Variants in IL1RAP observed in about 807,000 individuals in gnomAD.
IL1RAP encodes interleukin 1 receptor accessory protein, also known as interleukin-1 receptor accessory protein.
IL1RAP carries 35 observed loss-of-function variants against 60.7 expected under a neutral mutation model. The observed-to-expected ratio is 0.58, with a 90% CI of 0.44 to 0.76. IL1RAP has a LOEUF of 0.76. Among genes scored for constraint, IL1RAP ranks in the 30% least tolerant of loss-of-function variants. The pLI is 0.00. For missense variants in IL1RAP, 572 were observed against 693.9 expected (o/e 0.82, Z 1.97); for synonymous variants, 268 against 250.9 (o/e 1.07, Z -0.64).
At chr3:190,640,564 G>C (rs1213961133) in intron 9 of IL1RAP, among the ~76,000 whole-genome samples, 1 of 152,148 alleles carries the variant, frequency 6.6e-6, no homozygotes, top group Non-Finnish European at 1.5e-5. Flanking sequence ...ATTTAGAACG[G>C]AGTAGCCATG....
chr3:190,543,237 A>C (rs1724094533), intron 1 of IL1RAP, among the ~76,000 whole-genome samples: 1 of 152,270 alleles, frequency 6.6e-6, no homozygotes, highest in East Asian at 1.9e-4. Context: ...CTGAGAAAGA[A>C]ATGAGTGTTG....
downstream of IL1RAP, chr3:190,656,358 G>A (rs911852227): frequency 3.3e-6 from 5 of 1,537,100 alleles, no homozygotes; most frequent in African/African-American, 6.8e-5. Context: ...ACCGAGGGAA[G>A]TCCTCCGCCA....
chr3:190,532,504 T>C (rs1419168907), intron 1 of IL1RAP, among the ~76,000 whole-genome samples: 4 of 152,150 alleles, frequency 2.6e-5, no homozygotes, highest in African/African-American at 4.8e-5. Context: ...CCTCGTGATC[T>C]GCCCGCCTCG....
chr3:190,644,411 A>G lies in IL1RAP; in HGVS notation c.1201+14A>G. ...AAACCATTTTAGGTAAGTAACAGAA[A>G]TTTGACATAAACCTCTTCTACTGTC... On this transcript the variant is annotated intron_variant, in intron 10 of 11. Transcript: ENST00000447382. The G allele has an allele frequency of 6.3e-7, 1 of 1,597,416 alleles. No homozygotes were observed. The highest frequency in any genetic ancestry group is 8.6e-7 in the Non-Finnish European group (1 of 1,165,024).
At chr3:190,605,520 C>T (rs1183021157) in intron 4 of IL1RAP, among the ~76,000 whole-genome samples, 1 of 152,024 alleles carries the variant, frequency 6.6e-6, no homozygotes, top group Non-Finnish European at 1.5e-5. Context: ...TAACGACTTC[C>T]TGCTATTTAA....
At chr3:190,589,759 G>T (rs1324972493) in intron 3 of IL1RAP, among the ~76,000 whole-genome samples, 1 of 152,210 alleles carries the variant, frequency 6.6e-6, no homozygotes, top group Non-Finnish European at 1.5e-5. Context: ...GTCTCTCTGA[G>T]CCCCCAACTG....
At chr3:190,527,915 T>C (rs1722657342) in intron 1 of IL1RAP, among the ~76,000 whole-genome samples, 1 of 151,864 alleles carries the variant, frequency 6.6e-6, no homozygotes, top group South Asian at 2.1e-4. Flanking sequence ...ATATATTTGC[T>C]GAATGAATAC....
chr3:190,547,104 T>TA (rs1724441309), intron 1 of IL1RAP, among the ~76,000 whole-genome samples: 1 of 152,216 alleles, frequency 6.6e-6, no homozygotes, highest in South Asian at 2.1e-4. Context: ...GTGGTAAAGA[T>TA]AAGGCATACT....
At chr3:190,523,575 T>C (rs1479367904) in intron 1 of IL1RAP, among the ~76,000 whole-genome samples, 2 of 152,104 alleles carry the variant, frequency 1.3e-5, no homozygotes, top group African/African-American at 4.8e-5. Flanking sequence ...TATGTGTTCA[T>C]GTGTTCTCAT....
chr3:190,627,230 C>G (rs1376920909), intron 7 of IL1RAP, 93 bp from the exon 8 acceptor site: 13 of 1,093,410 alleles, frequency 1.2e-5, no homozygotes, highest in Non-Finnish European at 1.6e-5. Context: ...AGGATAAACA[C>G]TAATGGGCTA....
At position 190,518,807 on chromosome 3, in the gene IL1RAP, A is replaced by C. The variant is rs932705045; in HGVS notation, c.-89+4588A>C. The C allele has an allele frequency of 1.1e-4, 16 of 152,220 alleles. 1 individual carries two copies. The highest frequency in any genetic ancestry group is 3.1e-4 in the African/African-American group (13 of 41,446). The allele number at this position is 152,220 out of a possible 1,614,324, so 9.4% of individuals were successfully genotyped here. A position where few individuals can be genotyped will look rare whatever the true frequency, so the allele number is the denominator to read the frequency against. ...CACGAGAATAGCATGGGACAGACCT[A>C]CCCCACATGATTCAATCATCTCCCA... On this transcript the variant is annotated intron_variant, in intron 1 of 11. Coordinates refer to ENST00000447382, the MANE Select transcript of IL1RAP (RefSeq NM_002182.4).
chr3:190,632,800 T>C (rs559157093), intron 9 of IL1RAP, among the ~76,000 whole-genome samples: 1 of 152,304 alleles, frequency 6.6e-6, no homozygotes, highest in South Asian at 2.1e-4. Context: ...GTTTAGTGTT[T>C]TGTTTTTCCA....
At chr3:190,609,715 C>T (rs1343024550) in intron 5 of IL1RAP, among the ~76,000 whole-genome samples, 2 of 152,168 alleles carry the variant, frequency 1.3e-5, no homozygotes, top group East Asian at 1.9e-4. Flanking sequence ...CTTCAAGTCT[C>T]CACATACACC....
At chr3:190,604,554 T>A (rs371419107) in intron 4 of IL1RAP, 141 bp downstream of exon 4, 2 of 826,250 alleles carry the variant, frequency 2.4e-6, no homozygotes, top group African/African-American at 1.7e-5. Flanking sequence ...GCAGCTTAGC[T>A]GAAGGGGTCT....
chr3:190,548,727 CA>C (rs1264341530), intron 1 of IL1RAP, among the ~76,000 whole-genome samples: 1 of 152,092 alleles, frequency 6.6e-6, no homozygotes, highest in Non-Finnish European at 1.5e-5. Context: ...TATTTTTAGA[CA>C]AAGGCAAGAT....
At chr3:190,587,803 G>A (rs1418422391) in intron 3 of IL1RAP, among the ~76,000 whole-genome samples, 1 of 152,202 alleles carries the variant, frequency 6.6e-6, no homozygotes, top group Non-Finnish European at 1.5e-5. Context: ...TGAGGTCAGT[G>A]GATAGAGGAC....
At chr3:190,617,767 G>A (rs1212090041) in intron 5 of IL1RAP, among the ~76,000 whole-genome samples, 1 of 151,952 alleles carries the variant, frequency 6.6e-6, no homozygotes, top group Non-Finnish European at 1.5e-5. Flanking sequence ...TGTTGTGAAG[G>A]GTCTAGAGAC....
intron 3 of IL1RAP, among the ~76,000 whole-genome samples, chr3:190,601,524 C>G (rs1255236272): frequency 6.6e-6 from 1 of 152,146 alleles, no homozygotes; most frequent in Non-Finnish European, 1.5e-5. Context: ...TTTCCCCGAG[C>G]TTTATTACTT....
At chr3:190,615,850 A>C (rs1195276608) in intron 5 of IL1RAP, among the ~76,000 whole-genome samples, 1 of 152,106 alleles carries the variant, frequency 6.6e-6, no homozygotes, top group Non-Finnish European at 1.5e-5. Context: ...TGGCATAGAG[A>C]TATTGTTGAG....
Sources: gnomAD v4.1 joint callset for allele counts (sites outside exome capture counted in the v4.1 genomes callset) on GRCh38, gnomAD v4.1.1 for gene constraint, MANE v1.5 for transcripts, NCBI Gene and HGNC (gene_info 2026-07-23, HGNC 2026-07-21) for gene names.